The following TMEM184B variants were observed in gnomAD, a reference collection of about 807,000 sequenced individuals.
TMEM184B encodes transmembrane protein 184B.
TMEM184B carries 17 observed loss-of-function variants against 41.8 expected under a neutral mutation model. The observed-to-expected ratio is 0.41, with a 90% CI of 0.28 to 0.61. TMEM184B has a LOEUF of 0.61. Ranked by LOEUF, TMEM184B falls within the 20% of genes least tolerant of loss-of-function variation. The pLI is 0.34. For missense variants in TMEM184B, 393 were observed against 557.8 expected (o/e 0.70, Z 2.98); for synonymous variants, 240 against 229.5 (o/e 1.05, Z -0.41).
At position 38,225,641 on chromosome 22, in the gene TMEM184B, A is replaced by G; in HGVS notation, c.618-48T>C. The G allele has an allele frequency of 1.3e-6, 2 of 1,562,782 alleles. No homozygotes were observed. The highest frequency in any genetic ancestry group is 1.7e-6 in the Non-Finnish European group (2 of 1,160,248). On this transcript the variant is annotated intron_variant, in intron 6 of 8. Coordinates refer to ENST00000361906, the MANE Select transcript of TMEM184B (RefSeq NM_012264.5). This position sits in a 1 kb window ranked among gnomAD's most constrained non-coding sequence, Gnocchi z 4.4. ...TGGCTGGGACAGACCCTTGGAGGGA[A>G]GGGGCTCTCCTCGACTGCACCACAC...
rs117647189 is a variant in TMEM184B, at chr22:38,269,313, C to T, written c.-59+3571G>A. On this transcript the variant is annotated intron_variant, in intron 1 of 8. Coordinates refer to ENST00000361906, the MANE Select transcript of TMEM184B (RefSeq NM_012264.5). ...TCAGCTCACTGTAACCTCCGCCTCCCGGATTAAAGCAATTCTCCTGCCTTA... is the reference window on the plus strand; with the variant it reads ...TCAGCTCACTGTAACCTCCGCCTCCTGGATTAAAGCAATTCTCCTGCCTTA... 5.6e-3 allele frequency among the ~76,000 whole-genome samples: 853 copies of T among 152,254 alleles called. 29 individuals carry two copies. The highest frequency in any genetic ancestry group is 0.036 in the Admixed American group (550 of 15,278).
intron 1 of TMEM184B, among the ~76,000 whole-genome samples, chr22:38,258,125 C>T (rs2092313803): frequency 6.6e-6 from 1 of 152,150 alleles, no homozygotes; most frequent in Admixed American, 6.5e-5. Context: ...TGCACTTTGT[C>T]CCAGGCTCTG....
At chr22:38,229,541 G>C (rs1037709410) in intron 5 of TMEM184B, among the ~76,000 whole-genome samples, 1 of 152,226 alleles carries the variant, frequency 6.6e-6, no homozygotes, top group African/African-American at 2.4e-5. Context: ...CACACTGAGC[G>C]ACCCCACCAC....
chr22:38,258,300 ATTT>A (rs752882414), intron 1 of TMEM184B, among the ~76,000 whole-genome samples: 7 of 141,214 alleles, frequency 5.0e-5, no homozygotes, highest in Non-Finnish European at 6.2e-5. Flanking sequence ...ATTTTTCCAA[ATTT>A]TTTTTTTTTT....
chr22:38,256,745 G>T (rs1404902443), intron 1 of TMEM184B, among the ~76,000 whole-genome samples: 2 of 152,142 alleles, frequency 1.3e-5, no homozygotes, highest in African/African-American at 4.8e-5. Flanking sequence ...TAGCAACACT[G>T]CGCAATCTTG....
At chr22:38,257,774 T>C (rs1000438597) in intron 1 of TMEM184B, among the ~76,000 whole-genome samples, 2 of 152,124 alleles carry the variant, frequency 1.3e-5, no homozygotes, top group African/African-American at 2.4e-5. Flanking sequence ...TATCCACATA[T>C]TGGGGGTGCA....
At chr22:38,244,675 C>T (rs1482158898) in intron 3 of TMEM184B, among the ~76,000 whole-genome samples, 2 of 152,146 alleles carry the variant, frequency 1.3e-5, no homozygotes, top group African/African-American at 2.4e-5. Context: ...AGGCTGGTCT[C>T]GAACTCCCGA....
chr22:38,251,793 G>A (rs1282210212), intron 1 of TMEM184B, among the ~76,000 whole-genome samples: 3 of 152,188 alleles, frequency 2.0e-5, no homozygotes, highest in Non-Finnish European at 4.4e-5. Context: ...GAAAGGGGTG[G>A]GGAAGGGCTC....
At chr22:38,254,420 C>A (rs1420055785) in intron 1 of TMEM184B, among the ~76,000 whole-genome samples, 1 of 151,372 alleles carries the variant, frequency 6.6e-6, no homozygotes, top group Admixed American at 6.6e-5. Flanking sequence ...GCCAACATGG[C>A]GAAACCCTGT....
rs917170486 is a variant in TMEM184B at position 38,221,553 on chromosome 22, G to A, written c.1140C>T (p.Ala380=). 1.2e-6 allele frequency: 2 copies of A among 1,613,972 alleles called. No homozygotes were observed. The highest frequency in any genetic ancestry group is 1.7e-6 in the Non-Finnish European group (2 of 1,179,970). The change falls in exon 9 of 9, where the codon GCC becomes GCT. Residue 380 remains alanine, a synonymous_variant. Transcript: ENST00000361906. ...LEPGPTWRGG[A]HGLSRSHSLS... is the part of the protein sequence containing the mutation. ...GGCTGTGGGAGCGGGAGAGGCCGTG[G>A]GCGCCACCACGCCAGGTGGGCCCAG...
chr22:38,268,319 G>A (rs1411449491), intron 1 of TMEM184B, among the ~76,000 whole-genome samples: 1 of 151,056 alleles, frequency 6.6e-6, no homozygotes, highest in Non-Finnish European at 1.5e-5. Context: ...AGGTTGCAGT[G>A]AGCCGAGATC....
intron 2 of TMEM184B, among the ~76,000 whole-genome samples, chr22:38,246,320 G>A (rs1181469849): frequency 6.6e-6 from 1 of 152,232 alleles, no homozygotes; most frequent in Non-Finnish European, 1.5e-5. Context: ...CTCGTGGAGT[G>A]CATGCAGCAG....
intron 1 of TMEM184B, among the ~76,000 whole-genome samples, chr22:38,272,268 G>A (rs2145806181): frequency 6.6e-6 from 1 of 152,280 alleles, no homozygotes; most frequent in African/African-American, 2.4e-5. Flanking sequence ...TGCCCAGGAG[G>A]AAATGTACAA....
chr22:38,250,465 CT>C (rs2092138652), intron 1 of TMEM184B, among the ~76,000 whole-genome samples: 1 of 152,176 alleles, frequency 6.6e-6, no homozygotes, highest in Admixed American at 6.5e-5. Flanking sequence ...TATATAAAGA[CT>C]GGTGGCAAGC....
chr22:38,223,876 G>C (rs2091339705), intron 8 of TMEM184B: 1 of 152,418 alleles, frequency 6.6e-6, no homozygotes, highest in Non-Finnish European at 1.5e-5. Flanking sequence ...ACATCACCCT[G>C]GGAGTGCTTA....
At chr22:38,218,121 T>A (rs1011094213), downstream of TMEM184B, among the ~76,000 whole-genome samples, 2 of 152,192 alleles carry the variant, frequency 1.3e-5, no homozygotes, top group African/African-American at 2.4e-5. Context: ...GAAACTATCT[T>A]CCCCATGTTT....
chr22:38,257,147 T>C (rs1423916839), intron 1 of TMEM184B, among the ~76,000 whole-genome samples: 1 of 151,768 alleles, frequency 6.6e-6, no homozygotes, highest in Non-Finnish European at 1.5e-5. Flanking sequence ...ACAATATGTC[T>C]GTCACTGACT....
At chr22:38,234,153 T>C (rs1488432460) in intron 3 of TMEM184B, among the ~76,000 whole-genome samples, 1 of 152,196 alleles carries the variant, frequency 6.6e-6, no homozygotes, top group Non-Finnish European at 1.5e-5. Context: ...TCCCTTTGTA[T>C]CTGGTGGCCC....
intron 1 of TMEM184B, among the ~76,000 whole-genome samples, chr22:38,271,743 C>G (rs746049423): frequency 1.6e-4 from 24 of 152,226 alleles, no homozygotes; most frequent in Non-Finnish European, 3.1e-4. Flanking sequence ...GCACACATAC[C>G]TGGCTGCTGG....
Sources: allele counts gnomAD v4.1 joint callset (sites outside exome capture counted in the v4.1 genomes callset), GRCh38; gene constraint gnomAD v4.1.1; non-coding constraint Gnocchi (gnomAD v3.1); transcripts MANE v1.5; gene names NCBI Gene and HGNC (gene_info 2026-07-23, HGNC 2026-07-21).